SEMA6D: variants seen among roughly 807,000 people sequenced by gnomAD.
SEMA6D encodes the protein semaphorin 6D, also known as semaphorin-6D.
A neutral mutation model predicts 106.6 loss-of-function variants in SEMA6D; 35 were observed. The observed-to-expected ratio is 0.33, with a 90% CI of 0.25 to 0.44. The LOEUF is 0.44. Ranked by LOEUF, SEMA6D falls within the 20% of genes least tolerant of loss-of-function variation. SEMA6D has a pLI of 1.00. For synonymous variants in SEMA6D, 499 were observed against 487.7 expected, an observed-to-expected ratio of 1.02 and a Z score of -0.31; for missense variants, 1,185 against 1,345.9, an observed-to-expected ratio of 0.88 and a Z score of 1.87.
intron 1 of SEMA6D, among the ~76,000 whole-genome samples, chr15:47,250,086 G>T (rs2033426049): frequency 6.6e-6 from 1 of 152,154 alleles, no homozygotes; most frequent in Non-Finnish European, 1.5e-5. Flanking sequence ...GGTCTACAAG[G>T]ATCATTTCTA....
intron 1 of SEMA6D, among the ~76,000 whole-genome samples, chr15:47,283,095 GC>G (rs2035204093): frequency 6.6e-6 from 1 of 152,098 alleles, no homozygotes; most frequent in Non-Finnish European, 1.5e-5. Context: ...CTGTTGGAAA[GC>G]CCTTCACAGT....
intron 3 of SEMA6D, among the ~76,000 whole-genome samples, chr15:47,568,111 G>A (rs2046280064): frequency 6.6e-6 from 1 of 151,378 alleles, no homozygotes; most frequent in Non-Finnish European, 1.5e-5. Flanking sequence ...CACTGCTGGT[G>A]GAGATGTAAC....
At chr15:47,483,497 G>A (rs982673899) in intron 3 of SEMA6D, among the ~76,000 whole-genome samples, 6 of 152,150 alleles carry the variant, frequency 3.9e-5, no homozygotes, top group Admixed American at 3.3e-4. Flanking sequence ...GATGAAGAGA[G>A]CATCTTGCCT....
At chr15:47,237,736 C>T (rs143497405) in intron 1 of SEMA6D, among the ~76,000 whole-genome samples, 146 of 152,052 alleles carry the variant, frequency 9.6e-4, no homozygotes, top group African/African-American at 3.2e-3. Context: ...TAACTATGAC[C>T]GTTTTAATTG....
At chr15:47,650,703 T>G (rs1313612864) in intron 4 of SEMA6D, among the ~76,000 whole-genome samples, 1 of 152,110 alleles carries the variant, frequency 6.6e-6, no homozygotes, top group Non-Finnish European at 1.5e-5. Context: ...AAATGCAGAT[T>G]AAAGAGATGA....
chr15:47,674,853 C>T (rs542483576), intron 4 of SEMA6D, among the ~76,000 whole-genome samples: 6 of 152,250 alleles, frequency 3.9e-5, no homozygotes, highest in Admixed American at 6.5e-5. Flanking sequence ...GGATTCACTG[C>T]GCATCCGAAT....
Position 47,352,750 on chromosome 15 carries a change from C to T in SEMA6D, c.-238-59643C>T, listed in dbSNP as rs76019682. Among the ~76,000 whole-genome samples, 630 of 152,164 alleles carry T rather than the reference C, an allele frequency of 4.1e-3. 9 individuals are homozygous for T. The highest frequency in any genetic ancestry group is 0.015 in the African/African-American group (609 of 41,502). On this transcript the variant is annotated intron_variant, in intron 1 of 19. Coordinates refer to the SEMA6D transcript ENST00000558014. ...AGTTTTTAATGGTAGTTTTGAGGGT[C>T]GAATTGAATAGTATATACTGCAAGA...
At chr15:47,555,055 T>C (rs1467681806) in intron 3 of SEMA6D, among the ~76,000 whole-genome samples, 1 of 152,138 alleles carries the variant, frequency 6.6e-6, no homozygotes, top group African/African-American at 2.4e-5. Flanking sequence ...CAAATATAAA[T>C]CCCTAATATG....
intron 2 of SEMA6D, among the ~76,000 whole-genome samples, chr15:47,465,407 G>A (rs2141092196): frequency 6.6e-6 from 1 of 152,258 alleles, no homozygotes; most frequent in South Asian, 2.1e-4. Flanking sequence ...CCTAGACTTA[G>A]CTTTGCAACA....
chr15:47,375,483 T>C (rs1282338460), intron 1 of SEMA6D, among the ~76,000 whole-genome samples: 2 of 152,184 alleles, frequency 1.3e-5, no homozygotes, highest in African/African-American at 4.8e-5. Context: ...GAAAACTACT[T>C]GTTTTACTTT....
At chr15:47,539,055 G>A (rs1014650488) in intron 3 of SEMA6D, among the ~76,000 whole-genome samples, 2 of 152,076 alleles carry the variant, frequency 1.3e-5, no homozygotes, top group African/African-American at 4.8e-5. Flanking sequence ...TAAGCTTCAG[G>A]GAAATTGATA....
rs565196686 is a variant in SEMA6D, at chr15:47,727,204, G to A, written c.-55+9512G>A. ...AAGCACACTCCAGGCCATCTCTGTC[G>A]TCACGCACATCTTTGATCTCCACCA... On this transcript the variant is annotated intron_variant, in intron 1 of 18. Coordinates refer to ENST00000536845, the MANE Select transcript of SEMA6D (RefSeq NM_001358351.3). 3.3e-5 allele frequency among the ~76,000 whole-genome samples: 5 copies of A among 152,248 alleles called. No homozygotes were observed. In the South Asian group the frequency reaches 1.0e-3, roughly 32 times the overall value.
intron 1 of SEMA6D, among the ~76,000 whole-genome samples, chr15:47,300,050 G>C (rs142085335): frequency 5.3e-4 from 80 of 152,316 alleles, no homozygotes; most frequent in African/African-American, 1.8e-3. Flanking sequence ...TTGGGTGTTA[G>C]GGAGCCTCAG....
chr15:47,722,370 A>G (rs777761963), intron 1 of SEMA6D, among the ~76,000 whole-genome samples: 5 of 152,200 alleles, frequency 3.3e-5, no homozygotes, highest in Non-Finnish European at 5.9e-5. Context: ...TGAACTGAGC[A>G]AGTTATTGCT....
At chr15:47,416,382 G>T (rs281216) in intron 2 of SEMA6D, among the ~76,000 whole-genome samples, 143,384 of 152,198 alleles carry the variant, frequency 0.94, 67,697 homozygotes, top group East Asian at 1. Flanking sequence ...CACAAAATTC[G>T]GAAACTAATC....
intron 1 of SEMA6D, among the ~76,000 whole-genome samples, chr15:47,215,394 A>G (rs560367001): frequency 6.6e-6 from 1 of 152,222 alleles, no homozygotes; most frequent in African/African-American, 2.4e-5. Context: ...ATTTTGCTAC[A>G]CAGGGATCTG....
chr15:47,250,888 G>T (rs1487931806), intron 1 of SEMA6D, among the ~76,000 whole-genome samples: 1 of 152,224 alleles, frequency 6.6e-6, no homozygotes, highest in Non-Finnish European at 1.5e-5. Context: ...TTTCAAAAAG[G>T]TGGAAGGATG....
intron 1 of SEMA6D, among the ~76,000 whole-genome samples, chr15:47,230,950 C>CTT (rs761030465): frequency 6.6e-6 from 1 of 151,994 alleles, no homozygotes; most frequent in Non-Finnish European, 1.5e-5. Context: ...ACTAGTGAGA[C>CTT]TTTAACAGGC....
chr15:47,765,135 G>A, intron 13 of SEMA6D, 79 bp downstream of exon 13: 1 of 1,544,578 alleles, frequency 6.5e-7, no homozygotes, highest in African/African-American at 1.4e-5. Flanking sequence ...ATGTCCTTTT[G>A]GTCCTCTAAA....
Sources: allele counts gnomAD v4.1 joint callset (sites outside exome capture counted in the v4.1 genomes callset), GRCh38; gene constraint gnomAD v4.1.1; transcripts MANE v1.5; gene names NCBI Gene and HGNC (gene_info 2026-07-23, HGNC 2026-07-21).